FARP1: variants seen among roughly 807,000 people sequenced by gnomAD.
FARP1 encodes FERM, ARH/RhoGEF and pleckstrin domain protein 1.
FARP1 carries 52 observed loss-of-function variants against 128.8 expected under a neutral mutation model. That is an observed-to-expected ratio of 0.40 (90% confidence interval 0.32 to 0.51). The LOEUF (loss-of-function observed/expected upper bound fraction) is 0.51, where lower values mean the gene tolerates loss of function less well. Ranked by LOEUF, FARP1 falls within the 20% of genes least tolerant of loss-of-function variation. The pLI, the probability that FARP1 is intolerant of heterozygous loss-of-function variation, is 0.45. For missense variants in FARP1, 1,333 were observed against 1,367.9 expected, an observed-to-expected ratio of 0.97 and a Z score of 0.40; for synonymous variants, 580 against 551.8, an observed-to-expected ratio of 1.05 and a Z score of -0.72.
intron 2 of FARP1, among the ~76,000 whole-genome samples, chr13:98,274,074 C>T (rs943633503): frequency 6.6e-6 from 1 of 152,072 alleles, no homozygotes; most frequent in African/African-American, 2.4e-5. Flanking sequence ...TCAGGGCAAC[C>T]ACCCTCTCCA....
At chr13:98,331,282 A>T (rs968245278) in intron 2 of FARP1, among the ~76,000 whole-genome samples, 5 of 152,158 alleles carry the variant, frequency 3.3e-5, no homozygotes, top group African/African-American at 1.2e-4. Context: ...CTAAATCGAG[A>T]ATCTATGTGT....
chr13:98,169,553 TGTCTC>T (rs1422347773), intron 1 of FARP1, among the ~76,000 whole-genome samples: 1 of 152,168 alleles, frequency 6.6e-6, no homozygotes, highest in African/African-American at 2.4e-5. Context: ...GGCAAGACCT[TGTCTC>T]GTCTCTTGAA....
intron 2 of FARP1, among the ~76,000 whole-genome samples, chr13:98,254,297 G>T (rs1433362939): frequency 6.6e-6 from 1 of 152,146 alleles, no homozygotes; most frequent in Non-Finnish European, 1.5e-5. Context: ...TCTTAGCTCC[G>T]CTCTTAAAAA....
intron 18 of FARP1, 37 bp from the exon 19 acceptor site, chr13:98,435,539 T>C (rs750991639): frequency 6.4e-7 from 1 of 1,573,166 alleles, no homozygotes; most frequent in Non-Finnish European, 8.6e-7. Context: ...CCTGCCTGCC[T>C]TTCCCGCTGC....
At chr13:98,427,538 C>A (rs1212439866) in intron 17 of FARP1, among the ~76,000 whole-genome samples, 1 of 152,238 alleles carries the variant, frequency 6.6e-6, no homozygotes, top group Non-Finnish European at 1.5e-5. Context: ...CTGCCAGGTT[C>A]ATCTCCACCC....
chr13:98,371,036 C>T (rs900078634), intron 5 of FARP1, among the ~76,000 whole-genome samples: 6 of 152,150 alleles, frequency 3.9e-5, no homozygotes, highest in East Asian at 1.9e-4. Context: ...TTGGAAACTG[C>T]ATTGCCCTGA....
At chr13:98,338,546 C>G (rs1209642310) in intron 2 of FARP1, 1 of 152,346 alleles carries the variant, frequency 6.6e-6, no homozygotes, top group East Asian at 1.9e-4. Context: ...CCTCCTCATA[C>G]TGTTTATCCA....
chr13:98,200,750 G>T (rs1466231523), intron 1 of FARP1, among the ~76,000 whole-genome samples: 1 of 152,198 alleles, frequency 6.6e-6, no homozygotes, highest in African/African-American at 2.4e-5. Flanking sequence ...GAAGCTAAAT[G>T]TAAACAACAC....
At chr13:98,198,265 T>C (rs1879703319) in intron 1 of FARP1, among the ~76,000 whole-genome samples, 1 of 152,234 alleles carries the variant, frequency 6.6e-6, no homozygotes, top group African/African-American at 2.4e-5. Flanking sequence ...GATCCTGCTG[T>C]CTTTGTAGAG....
chr13:98,421,042 T>C (rs1891574418), intron 16 of FARP1, among the ~76,000 whole-genome samples: 1 of 152,174 alleles, frequency 6.6e-6, no homozygotes, highest in African/African-American at 2.4e-5. Context: ...ACAGATGTGC[T>C]TGTGTTTGCA....
At chr13:98,286,504 T>C (rs1435367790) in intron 2 of FARP1, among the ~76,000 whole-genome samples, 1 of 152,198 alleles carries the variant, frequency 6.6e-6, no homozygotes, top group African/African-American at 2.4e-5. Flanking sequence ...ATAAGGGGGT[T>C]CTGCTTTTGC....
At chr13:98,286,463 G>T (rs1440200991) in intron 2 of FARP1, among the ~76,000 whole-genome samples, 1 of 152,164 alleles carries the variant, frequency 6.6e-6, no homozygotes, top group South Asian at 2.1e-4. Flanking sequence ...TCTCATGGTA[G>T]TGAGTAAGTC....
intron 2 of FARP1, among the ~76,000 whole-genome samples, chr13:98,223,538 C>G (rs1284926132): frequency 6.6e-6 from 1 of 152,100 alleles, no homozygotes; most frequent in Non-Finnish European, 1.5e-5. Context: ...ATTGTCCAGG[C>G]TGGTCTCGAA....
At chr13:98,184,265 C>T (rs1878716833) in intron 1 of FARP1, among the ~76,000 whole-genome samples, 1 of 151,968 alleles carries the variant, frequency 6.6e-6, no homozygotes, top group South Asian at 2.1e-4. Flanking sequence ...TTGTAGGCGC[C>T]TGCCACCCCA....
At chr13:98,187,404 G>A (rs1878949384) in intron 1 of FARP1, among the ~76,000 whole-genome samples, 2 of 152,190 alleles carry the variant, frequency 1.3e-5, no homozygotes, top group Non-Finnish European at 2.9e-5. Flanking sequence ...GATGCTTTGA[G>A]CTCCCAAATA....
intron 2 of FARP1, among the ~76,000 whole-genome samples, chr13:98,314,835 G>A (rs1886653452): frequency 6.6e-6 from 1 of 152,226 alleles, no homozygotes; most frequent in Non-Finnish European, 1.5e-5. Flanking sequence ...AGCCAATTAA[G>A]GAAGAGAGGG....
At chr13:98,403,668 TTTC>T (rs1272189747) in intron 13 of FARP1, 2 of 152,138 alleles carry the variant, frequency 1.3e-5, no homozygotes, top group African/African-American at 4.8e-5. Context: ...TGCTGTCTGG[TTTC>T]TTCTTCTCTC....
rs1893392926 is a variant in FARP1 at position 98,455,136 on chromosome 13, T to C, written c.*6819T>C. On this transcript the variant is annotated 3_prime_UTR_variant, in exon 27 of 27. Transcript: ENST00000319562. ...AATACCTTATTGATGATTGTTGTTA[T>C]TAATGTTGAAATAATACTTTGGATC... 1 of 152,258 alleles carries C rather than the reference T, an allele frequency of 6.6e-6. No individual in the cohort carries two copies. Among genetic ancestry groups the C allele is most frequent in the African/African-American group, 2.4e-5 (1 of 41,472 alleles). The allele number at this position is 152,258 out of a possible 1,614,324, so 9.4% of individuals were successfully genotyped here.
rs1267134736 is a variant in FARP1 at position 98,424,559 on chromosome 13, C to G, written c.1827-13C>G. ...GATGCTTTGTATTTCCAACCCTTTG[C>G]TTTTGCTCTCAGGGAAGGCCGCTCA... On this transcript the variant is annotated splice_polypyrimidine_tract_variant and intron_variant, in intron 16 of 26. Transcript: ENST00000319562. 1 of 1,587,310 alleles carries G rather than the reference C, an allele frequency of 6.3e-7. No homozygotes were observed. The highest frequency in any genetic ancestry group is 8.7e-7 in the Non-Finnish European group (1 of 1,155,660).
Sources: gnomAD v4.1 joint callset for allele counts (sites outside exome capture counted in the v4.1 genomes callset) on GRCh38, gnomAD v4.1.1 for gene constraint, MANE v1.5 for transcripts, NCBI Gene and HGNC (gene_info 2026-07-23, HGNC 2026-07-21) for gene names.